The following TCN2 variants were observed in gnomAD, a reference collection of about 807,000 sequenced individuals.
TCN2 encodes transcobalamin-2.
TCN2 carries 34 observed loss-of-function variants against 48.6 expected under a neutral mutation model. The ratio of observed to expected loss-of-function variants is 0.70; its 90% CI spans 0.53 to 0.93. The LOEUF (loss-of-function observed/expected upper bound fraction) is 0.93. Ranked by LOEUF, TCN2 falls within the 40% of genes least tolerant of loss-of-function variation. The probability of loss-of-function intolerance (pLI) is 0.00; values close to 1 mark genes in which losing one functional copy is unlikely to be tolerated. For missense variants in TCN2, 652 were observed against 526.1 expected, an observed-to-expected ratio of 1.24 and a Z score of -2.34; for synonymous variants, 283 against 212.5, an observed-to-expected ratio of 1.33 and a Z score of -2.89.
intron 8 of TCN2, among the ~76,000 whole-genome samples, chr22:30,625,894 CAG>C (rs2087801386): frequency 1.3e-5 from 2 of 152,168 alleles, no homozygotes; most frequent in African/African-American, 4.8e-5. Context: ...TGGGGGGACA[CAG>C]ACATTTTAGA....
At position 30,615,361 on chromosome 22, in the gene TCN2, G is replaced by A. The variant is rs372458211; in HGVS notation, c.641G>A (p.Gly214Asp). Residue 214 changes from glycine (G) to aspartate (D), a missense_variant, in exon 5 of 9, where the codon GGT becomes GAT. Gly to Asp is a moderately conservative substitution (Grantham distance 94). Transcript: ENST00000215838. ...CTGAAGCGCTCAAACTTCAACCCTG[G>A]TCGGAGACAACGGATCACCATGGCC... ...TCLKRSNFNP[G>D]RRQRITMAIR... 10 of 1,614,020 alleles carry A rather than the reference G, an allele frequency of 6.2e-6. No individual in the cohort carries two copies. The East Asian group carries it at 6.7e-5, about 11-fold the overall frequency.
rs2087602265 is a variant in TCN2 at position 30,615,636 on chromosome 22, G to C, written c.789G>C (p.Leu263=). 1 of 1,614,144 alleles carries C rather than the reference G, an allele frequency of 6.2e-7. No homozygotes were observed. Among genetic ancestry groups the C allele is most frequent in the Non-Finnish European group, 8.5e-7 (1 of 1,180,022 alleles). The change falls in exon 6 of 9, where the codon CTG becomes CTC. Residue 263 remains leucine (L), a synonymous_variant. Transcript: ENST00000215838. ...LMTSPMRGAE[L]GTACLKARVA... ...CTTCCCCCATGCGTGGGGCAGAACT[G>C]GGAACAGCATGTCTCAAGGCGAGGG...
In TCN2 at chr22:30,627,105, A is replaced by G; in HGVS notation, c.*584A>G. ...ATACTCCTCAGGTGCAGGGGCAGGG[A>G]CAAGAGAAGGGGGAAGTAACCCCAT... is the stretch of plus-strand genomic sequence containing the variant. On this transcript the variant is annotated 3_prime_UTR_variant, in exon 9 of 9. Coordinates refer to ENST00000215838, the MANE Select transcript of TCN2 (RefSeq NM_000355.4). 5.9e-6 allele frequency: 1 copy of G among 168,988 alleles called. No individual in the cohort carries two copies. Among genetic ancestry groups the G allele is most frequent in the Non-Finnish European group, 1.3e-5 (1 of 76,984 alleles). 10.5% of individuals were successfully genotyped at this position (168,988 alleles called of 1,614,324 possible).
In TCN2 at chr22:30,617,342, C is replaced by T. The variant is rs1219369285; in HGVS notation, c.953C>T (p.Pro318Leu). Residue 318 changes from proline to leucine, a missense_variant, in exon 7 of 9, where the codon CCA becomes CTA. Physicochemically the swap from Pro to Leu is moderately conservative, Grantham distance 98. Coordinates refer to ENST00000215838, the MANE Select transcript of TCN2 (RefSeq NM_000355.4). Reference sequence around the variant, plus strand: ...CTTCCTGGCACAGTCATGTTGGAACCAGCTGCTGAGACCATTCCTCAGACC... The same window carrying T: ...CTTCCTGGCACAGTCATGTTGGAACTAGCTGCTGAGACCATTCCTCAGACC... ...DCLAPRVMLE[P>L]AAETIPQTQE... The T allele has an allele frequency of 5.0e-6, 8 of 1,614,168 alleles. No homozygotes were observed. The South Asian group carries it at 6.6e-5, about 13-fold the overall frequency.
At position 30,613,191 on chromosome 22, in the gene TCN2, G is replaced by C. The variant is rs138722638; in HGVS notation, c.427+149G>C. 256 of 1,105,412 alleles carry C rather than the reference G, an allele frequency of 2.3e-4. 1 individual carries two copies. In the East Asian group the frequency reaches 5.7e-3, roughly 25 times the overall value. The allele number at this position is 1,105,412 out of a possible 1,614,324, so 68.5% of individuals were successfully genotyped here. A position where few individuals can be genotyped will look rare whatever the true frequency, so the allele number is the denominator to read the frequency against. ...CATCTCACTGCCTACGTAGAGGCTCGAACCTGTCCCCATAGCCATCCTTGA... is the reference window on the plus strand; with the variant it reads ...CATCTCACTGCCTACGTAGAGGCTCCAACCTGTCCCCATAGCCATCCTTGA... On this transcript the variant is annotated intron_variant, in intron 3 of 8. Coordinates refer to ENST00000215838, the MANE Select transcript of TCN2 (RefSeq NM_000355.4).
intron 3 of TCN2, among the ~76,000 whole-genome samples, chr22:30,613,615 GACTTGAT>G (rs2087571553): frequency 1.3e-5 from 2 of 152,108 alleles, no homozygotes; most frequent in African/African-American, 4.8e-5. Flanking sequence ...CACCAAGATT[GACTTGAT>G]TATCCACCTT....
intron 7 of TCN2, among the ~76,000 whole-genome samples, chr22:30,618,103 AC>A (rs1305239495): frequency 7.5e-6 from 1 of 132,494 alleles, no homozygotes; most frequent in African/African-American, 3.0e-5. Context: ...GTGCCACACA[AC>A]CCTGGGTAAT....
intron 8 of TCN2, among the ~76,000 whole-genome samples, chr22:30,625,132 C>G (rs1159064168): frequency 6.6e-6 from 1 of 152,162 alleles, no homozygotes; most frequent in African/African-American, 2.4e-5. Context: ...GCAGGAGAAT[C>G]GCTTGAACCC....
At chr22:30,622,159 G>A (rs1437388113) in intron 7 of TCN2, among the ~76,000 whole-genome samples, 11 of 152,120 alleles carry the variant, frequency 7.2e-5, no homozygotes, top group Non-Finnish European at 1.6e-4. Flanking sequence ...GGCTAATTTT[G>A]TGTTTTTAGT....
intron 7 of TCN2, among the ~76,000 whole-genome samples, chr22:30,619,211 A>G (rs2087660744): frequency 6.6e-6 from 1 of 152,196 alleles, no homozygotes; most frequent in African/African-American, 2.4e-5. Context: ...GTAGCTGGGA[A>G]CAACAGGCAT....
chr22:30,617,733 A>C, intron 7 of TCN2: 2 of 551,198 alleles, frequency 3.6e-6, no homozygotes, highest in African/African-American at 1.9e-5. Context: ...TGGAATCCCA[A>C]CTCTAACCAG....
chr22:30,617,365 A>C lies in TCN2; in HGVS notation c.976A>C (p.Thr326Pro). 2 of 1,614,132 alleles carry C rather than the reference A, an allele frequency of 1.2e-6. No individual in the cohort carries two copies. Among genetic ancestry groups the C allele is most frequent in the Non-Finnish European group, 8.5e-7 (1 of 1,180,032 alleles). The change falls in exon 7 of 9, where the codon ACC becomes CCC. Residue 326 changes from threonine (T) to proline (P), a missense_variant. By Grantham distance (38) the Thr-to-Pro change is conservative. Transcript: ENST00000215838. ...ACCAGCTGCTGAGACCATTCCTCAG[A>C]CCCAAGAGATCATCAGTGTCACGCT... ...LEPAAETIPQTQEIISVTLQV... is the reference protein window; with the variant it reads ...LEPAAETIPQPQEIISVTLQV...
In TCN2 at chr22:30,607,180, T is replaced by G. The variant is rs927600287; in HGVS notation, c.-152T>G. The stretch of plus-strand genomic sequence containing the variant: ...TCCCCCGCCCCACCCCTCTGCAGAC[T>G]TAGCCGTGCATTGCAGGCATGGAGG... On this transcript the variant is annotated 5_prime_UTR_variant, in exon 1 of 9. Transcript: ENST00000215838. The G allele has an allele frequency of 1.4e-6, 1 of 717,920 alleles. No homozygotes were observed. Among genetic ancestry groups the G allele is most frequent in the Non-Finnish European group, 2.4e-6 (1 of 415,280 alleles). 44.5% of individuals were successfully genotyped at this position (717,920 alleles called of 1,614,324 possible).
intron 1 of TCN2, among the ~76,000 whole-genome samples, chr22:30,608,495 C>T (rs1343166747): frequency 2.0e-5 from 3 of 151,354 alleles, no homozygotes; most frequent in African/African-American, 7.3e-5. Context: ...TCAAGTGATT[C>T]CCCCACCTCA....
intron 2 of TCN2, among the ~76,000 whole-genome samples, chr22:30,612,252 A>AT (rs930602279): frequency 9.9e-5 from 15 of 151,880 alleles, no homozygotes; most frequent in African/African-American, 1.5e-4. Flanking sequence ...CAGTAAAAAA[A>AT]AAAAATAAAA....
rs766113719 is a variant in TCN2 at position 30,617,437 on chromosome 22, C to G, written c.1048C>G (p.Leu350Val). 1 of 1,614,102 alleles carries G rather than the reference C, an allele frequency of 6.2e-7. No individual in the cohort carries two copies. Among genetic ancestry groups the G allele is most frequent in the Non-Finnish European group, 8.5e-7 (1 of 1,180,024 alleles). ...GCCGTACAGACAGTCCATCTCTGTT[C>G]TGGCCGGGTCCACCGTGGAAGATGT... Reference protein sequence around the residue: ...LPPYRQSISVLAGSTVEDVLK... With the variant: ...LPPYRQSISVVAGSTVEDVLK... The change falls in exon 7 of 9, where the codon CTG becomes GTG. Residue 350 changes from leucine to valine, a missense_variant. Coordinates refer to ENST00000215838, the MANE Select transcript of TCN2 (RefSeq NM_000355.4).
intron 4 of TCN2, among the ~76,000 whole-genome samples, chr22:30,614,899 T>A (rs1204703061): frequency 6.6e-6 from 1 of 151,988 alleles, no homozygotes; most frequent in East Asian, 1.9e-4. Flanking sequence ...ACAGAGTGAG[T>A]GAGACTCTGT....
intron 7 of TCN2, chr22:30,617,760 C>T (rs1333164614): frequency 1.0e-5 from 5 of 500,224 alleles, no homozygotes; most frequent in African/African-American, 1.9e-5. Flanking sequence ...TCCAGGTAGG[C>T]ACCCACAATT....
intron 8 of TCN2, among the ~76,000 whole-genome samples, chr22:30,624,043 T>TACACACATATATATGTATACATATATAC (rs1569047214): frequency 1.4e-4 from 4 of 28,620 alleles, no homozygotes; most frequent in South Asian, 6.1e-4. Flanking sequence ...TATACATATA[T>TACACACATATATATGTATACATATATAC]ACACACACAC....
Sources: gnomAD v4.1 joint callset for allele counts (sites outside exome capture counted in the v4.1 genomes callset) on GRCh38, gnomAD v4.1.1 for gene constraint, MANE v1.5 for transcripts, NCBI Gene and HGNC (gene_info 2026-07-23, HGNC 2026-07-21) for gene names.